ERBIN: variants seen among roughly 807,000 people sequenced by gnomAD.
ERBIN encodes the protein densin-180-like protein.
ERBIN carries 60 observed loss-of-function variants against 158.4 expected under a neutral mutation model. That is an observed-to-expected ratio of 0.38 (90% confidence interval 0.31 to 0.47). The LOEUF is 0.47. ERBIN is among the 20% of genes least tolerant of loss of function. The pLI is 0.99. For missense variants in ERBIN, 1,610 were observed against 1,648.0 expected (o/e 0.98, Z 0.40); for synonymous variants, 594 against 557.2 (o/e 1.07, Z -0.93).
Position 65,992,741 on chromosome 5 carries a change from T to G in ERBIN, c.23T>G (p.Phe8Cys), listed in dbSNP as rs748465050. The change falls in exon 3 of 26, where the codon TTT (phenylalanine) becomes TGT (cysteine). Residue 8 changes from phenylalanine (F) to cysteine (C), a missense_variant. Around this residue, in one of 2 missense-constraint regions of ERBIN, gnomAD observed 596 missense variants for 711.9 expected, o/e 0.84. Coordinates refer to ENST00000284037, the MANE Select transcript of ERBIN (RefSeq NM_001253697.2). ...AAAATGACTACAAAACGAAGTTTGT[T>G]TGTGCGGTTGGTACCATGTCGCTGT... MTTKRSL[F>C]VRLVPCRCLR... The G allele has an allele frequency of 6.3e-7, 1 of 1,594,060 alleles. No individual in the cohort carries two copies. Among genetic ancestry groups the G allele is most frequent in the South Asian group, 1.2e-5 (1 of 86,482 alleles).
At chr5:66,012,325 A>G (rs1048037386) in intron 5 of ERBIN, among the ~76,000 whole-genome samples, 198 bp downstream of exon 5, 1 of 152,188 alleles carries the variant, frequency 6.6e-6, no homozygotes, top group African/African-American at 2.4e-5. Flanking sequence ...GTGATCCCAA[A>G]GAGATAGTGA....
chr5:66,004,276 TC>T (rs1753328387), intron 4 of ERBIN, among the ~76,000 whole-genome samples: 1 of 151,948 alleles, frequency 6.6e-6, no homozygotes, highest in Non-Finnish European at 1.5e-5. Context: ...GAAGTATACG[TC>T]AAAGAAGAAG....
At position 65,976,513 on chromosome 5, in the gene ERBIN, CTTTTTTCTTTTT is replaced by C. The variant is rs1364479879; in HGVS notation, c.-57-12115_-57-12104del. Among the ~76,000 whole-genome samples the C allele has an allele frequency of 2.7e-5, 4 of 147,136 alleles. No homozygotes were observed. The East Asian group carries it at 7.8e-4, about 29-fold the overall frequency. ...ATTATATGAGAAAGCTATTTCTTTT[CTTTTTTCTTTTT>C]TTTTTTTTTTATTGATCATTCTTGG... On this transcript the variant is annotated intron_variant, in intron 1 of 25. Transcript: ENST00000284037.
intron 14 of ERBIN, among the ~76,000 whole-genome samples, chr5:66,030,317 C>CGGCTCCCA (rs1336344228): frequency 6.6e-5 from 10 of 152,184 alleles, no homozygotes; most frequent in African/African-American, 2.4e-4. Flanking sequence ...GCTGGGATTA[C>CGGCTCCCA]AGGTGTGAGC....
chr5:66,009,913 C>CTTA (rs950640496), intron 4 of ERBIN, among the ~76,000 whole-genome samples: 1 of 152,020 alleles, frequency 6.6e-6, no homozygotes, highest in Non-Finnish European at 1.5e-5. Context: ...AAGTAGAAAA[C>CTTA]TGAAAAGACC....
intron 1 of ERBIN, among the ~76,000 whole-genome samples, chr5:65,942,039 C>CGAAA (rs202141640): frequency 0.017 from 2,567 of 152,232 alleles, 70 homozygotes; most frequent in African/African-American, 0.059. Context: ...TGCGTCTGGC[C>CGAAA]CTCTTTCTTG....
intron 21 of ERBIN, among the ~76,000 whole-genome samples, chr5:66,061,943 G>A (rs1233800699): frequency 6.6e-6 from 1 of 152,182 alleles, no homozygotes; most frequent in Non-Finnish European, 1.5e-5. Flanking sequence ...CCCTTTTTGG[G>A]TAACCCAACC....
At chr5:66,007,540 G>A (rs7712319) in intron 4 of ERBIN, among the ~76,000 whole-genome samples, 1,794 of 119,660 alleles carry the variant, frequency 0.015, 39 homozygotes, top group African/African-American at 0.052. Context: ...AAAACTTAAA[G>A]TATAATAAAA....
chr5:65,960,309 TATG>T (rs1747766425), intron 1 of ERBIN, among the ~76,000 whole-genome samples: 1 of 152,056 alleles, frequency 6.6e-6, no homozygotes, highest in Non-Finnish European at 1.5e-5. Context: ...GCATTAGAAA[TATG>T]AGGAGTGATT....
Position 66,014,665 on chromosome 5 carries a change from G to A in ERBIN, c.477-4G>A. 1 of 1,325,902 alleles carries A rather than the reference G, an allele frequency of 7.5e-7. No homozygotes were observed. The highest frequency in any genetic ancestry group is 1.0e-6 in the Non-Finnish European group (1 of 967,400). The allele number at this position is 1,325,902 out of a possible 1,614,324, so 82.1% of individuals were successfully genotyped here. On this transcript the variant is annotated splice_polypyrimidine_tract_variant and splice_region_variant and intron_variant, in intron 6 of 25. Coordinates refer to ENST00000284037, the MANE Select transcript of ERBIN (RefSeq NM_001253697.2). ...AAATACATGATTTTTTTTTTGTATT[G>A]CAGATTAACTAAACTCCAAATATTA...
chr5:66,054,703 G>T lies in ERBIN; in HGVS notation c.3385G>T (p.Ala1129Ser). The T allele has an allele frequency of 3.7e-6, 6 of 1,614,080 alleles. No homozygotes were observed. Reference sequence around the variant, plus strand: ...GCCAGGATCACAGAGACCCCTTTCTGCACGAACATACAGCATAGATGGTCC... The same window carrying T: ...GCCAGGATCACAGAGACCCCTTTCTTCACGAACATACAGCATAGATGGTCC... The part of the protein sequence containing the change: ...MMPGSQRPLS[A>S]RTYSIDGPNA... Residue 1129 changes from alanine to serine, a missense_variant, in exon 21 of 26, where the codon GCA becomes TCA. By Grantham distance (99) the Ala-to-Ser change is moderately conservative. Around this residue, in one of 2 missense-constraint regions of ERBIN, gnomAD observed 1,014 missense variants for 936.1 expected, o/e 1.08. Coordinates refer to ENST00000284037, the MANE Select transcript of ERBIN (RefSeq NM_001253697.2).
At position 66,054,706 on chromosome 5, in the gene ERBIN, C is replaced by A. The variant is rs770718680; in HGVS notation, c.3388C>A (p.Arg1130=). 1.2e-5 allele frequency: 19 copies of A among 1,614,054 alleles called. No homozygotes were observed. Among genetic ancestry groups the A allele is most frequent in the Non-Finnish European group, 1.6e-5 (19 of 1,179,976 alleles). The change falls in exon 21 of 26, where the codon CGA becomes AGA. Residue 1130 remains arginine, a synonymous_variant. Coordinates refer to ENST00000284037, the MANE Select transcript of ERBIN (RefSeq NM_001253697.2). ...MPGSQRPLSA[R]TYSIDGPNAS... ...AGGATCACAGAGACCCCTTTCTGCA[C>A]GAACATACAGCATAGATGGTCCAAA...
At chr5:65,940,423 T>A (rs1468818556) in intron 1 of ERBIN, among the ~76,000 whole-genome samples, 1 of 99,088 alleles carries the variant, frequency 1.0e-5, no homozygotes, top group Non-Finnish European at 1.9e-5. Flanking sequence ...GGTGGGGGGG[T>A]CAGCCCCCCG....
chr5:65,996,187 C>A (rs1367988883), intron 4 of ERBIN, among the ~76,000 whole-genome samples: 10 of 148,826 alleles, frequency 6.7e-5, no homozygotes, highest in Non-Finnish European at 1.3e-4. Flanking sequence ...ATTGTTATAG[C>A]CATTGCCAGG....
At chr5:65,987,367 T>TACACACAC (rs56222591) in intron 1 of ERBIN, among the ~76,000 whole-genome samples, 3,701 of 135,756 alleles carry the variant, frequency 0.027, 90 homozygotes, top group African/African-American at 0.062. Context: ...AGAGACTGTC[T>TACACACAC]ACACACACAC....
intron 1 of ERBIN, among the ~76,000 whole-genome samples, chr5:65,969,228 C>T (rs916265108): frequency 1.2e-4 from 18 of 152,082 alleles, no homozygotes; most frequent in African/African-American, 4.1e-4. Context: ...CAAAAAGTAC[C>T]TGTGAGTATG....
At chr5:66,064,888 C>T (rs559037188) in intron 21 of ERBIN, among the ~76,000 whole-genome samples, 52 of 152,238 alleles carry the variant, frequency 3.4e-4, no homozygotes, top group Admixed American at 1.2e-3. Context: ...TAAATAGAGA[C>T]AGGGTCTCAC....
At chr5:66,000,574 G>A (rs1356763052) in intron 4 of ERBIN, among the ~76,000 whole-genome samples, 3 of 152,092 alleles carry the variant, frequency 2.0e-5, no homozygotes, top group Non-Finnish European at 2.9e-5. Context: ...GTACTTAACT[G>A]TTCTTCCTCA....
intron 1 of ERBIN, among the ~76,000 whole-genome samples, chr5:65,947,605 A>C (rs1466632349): frequency 1.3e-5 from 2 of 152,220 alleles, no homozygotes; most frequent in Non-Finnish European, 2.9e-5. Context: ...AATTGCTGTG[A>C]TAAAACATCA....
Sources: gnomAD v4.1 joint callset for allele counts (sites outside exome capture counted in the v4.1 genomes callset) on GRCh38, gnomAD v4.1.1 for gene constraint, gnomAD v4.1.1 regional missense constraint, MANE v1.5 for transcripts, NCBI Gene and HGNC (gene_info 2026-07-23, HGNC 2026-07-21) for gene names.